Variants in FRAS1 observed in about 807,000 individuals in gnomAD.
The protein encoded by FRAS1 is Fraser extracellular matrix complex subunit 1, also known as extracellular matrix organizing protein FRAS1.
A neutral mutation model predicts 435.2 loss-of-function variants in FRAS1; 290 were observed. That is an observed-to-expected ratio of 0.67 (90% CI 0.61 to 0.73). FRAS1 has a LOEUF of 0.73. Ranked by LOEUF, FRAS1 falls within the 30% of genes least tolerant of loss-of-function variation. FRAS1 has a pLI of 0.00. For synonymous variants in FRAS1, 1,800 were observed against 1,851.0 expected, an observed-to-expected ratio of 0.97 and a Z score of 0.71; for missense variants, 4,860 against 5,001.5, an observed-to-expected ratio of 0.97 and a Z score of 0.85.
intron 4 of FRAS1, among the ~76,000 whole-genome samples, chr4:78,245,765 C>T (rs1297382216): frequency 6.6e-6 from 1 of 152,120 alleles, no homozygotes; most frequent in African/African-American, 2.4e-5. Context: ...TGGTCTAGAA[C>T]CCTGGTCTTC....
chr4:78,078,816 T>A (rs752746141), intron 2 of FRAS1, among the ~76,000 whole-genome samples: 1 of 152,172 alleles, frequency 6.6e-6, no homozygotes, highest in Non-Finnish European at 1.5e-5. Flanking sequence ...GAATTGTTGT[T>A]AATAACCAGG....
chr4:78,491,938 AAGGAACTTCAGCAAAGTTTC>A (rs1306404720), intron 59 of FRAS1, among the ~76,000 whole-genome samples: 1 of 152,244 alleles, frequency 6.6e-6, no homozygotes, highest in African/African-American at 2.4e-5. Flanking sequence ...TTAAGCTGAT[AAGGAACTTCAGCAAAGTTTC>A]AGGATACAAA....
At chr4:78,386,398 T>C (rs370069534) in intron 28 of FRAS1, among the ~76,000 whole-genome samples, 2 of 152,306 alleles carry the variant, frequency 1.3e-5, no homozygotes, top group African/African-American at 4.8e-5. Context: ...ATGTATAGAA[T>C]CACAGCTGTA....
chr4:78,059,473 CTT>C (rs1213660685), intron 1 of FRAS1, among the ~76,000 whole-genome samples: 1 of 149,050 alleles, frequency 6.7e-6, no homozygotes, highest in Non-Finnish European at 1.5e-5. Flanking sequence ...AGAAATATAA[CTT>C]TATTGTTTAT....
chr4:78,404,572 G>A (rs1733028800), intron 30 of FRAS1, among the ~76,000 whole-genome samples: 2 of 152,094 alleles, frequency 1.3e-5, no homozygotes, highest in Non-Finnish European at 2.9e-5. Flanking sequence ...TCCTCCTTCT[G>A]TATGATTGAT....
At chr4:78,059,251 G>A (rs916006948) in intron 1 of FRAS1, among the ~76,000 whole-genome samples, 1 of 152,114 alleles carries the variant, frequency 6.6e-6, no homozygotes, top group Non-Finnish European at 1.5e-5. Flanking sequence ...GCTCTGCCTC[G>A]GGTCGACCTC....
In FRAS1 at chr4:78,466,231, C is replaced by T. The variant is rs187011600; in HGVS notation, c.7053C>T (p.Ile2351=). 1.2e-4 allele frequency: 197 copies of T among 1,613,936 alleles called. No homozygotes were observed. In the African/African-American group the frequency reaches 2.1e-3, roughly 17 times the overall value. The change falls in exon 50 of 74, where the codon ATC becomes ATT. Residue 2351 remains isoleucine, a synonymous_variant. Transcript: ENST00000512123. ...DTEAESVTFT[I]VQPPRHGTIE... Reference sequence around the variant, plus strand: ...AGGCCGAGTCTGTCACATTCACCATCGTGCAGCCTCCACGCCATGGCACCA... The same window carrying T: ...AGGCCGAGTCTGTCACATTCACCATTGTGCAGCCTCCACGCCATGGCACCA...
intron 2 of FRAS1, among the ~76,000 whole-genome samples, chr4:78,187,122 G>C (rs1722309029): frequency 6.6e-6 from 1 of 152,202 alleles, no homozygotes; most frequent in South Asian, 2.1e-4. Flanking sequence ...CTAGAGTCCA[G>C]TTTCCTTTCC....
At chr4:78,268,381 G>T (rs1451128579) in intron 9 of FRAS1, among the ~76,000 whole-genome samples, 2 of 152,148 alleles carry the variant, frequency 1.3e-5, no homozygotes, top group Non-Finnish European at 2.9e-5. Context: ...ACATATTTAG[G>T]TAAAGAGGGT....
intron 14 of FRAS1, among the ~76,000 whole-genome samples, chr4:78,296,207 T>G (rs1451836703): frequency 6.6e-6 from 1 of 151,594 alleles, no homozygotes; most frequent in African/African-American, 2.4e-5. Flanking sequence ...CTGTTTGGTT[T>G]GCATATCTCC....
chr4:78,499,828 A>G lies in FRAS1; in HGVS notation c.9223A>G (p.Arg3075Gly). The change falls in exon 61 of 74, where the codon AGG becomes GGG. Residue 3075 changes from arginine (R) to glycine (G), a missense_variant. Arg to Gly is a moderately radical substitution (Grantham distance 125). Transcript: ENST00000512123. ...IKVIRRGDQNRTSKVRCSTRD... is the reference protein window; with the variant it reads ...IKVIRRGDQNGTSKVRCSTRD... ...GGTGATCCGCAGAGGGGATCAGAAC[A>G]GGACCTCCAAGGTTCGCTGCAGCAC... 1 of 1,613,792 alleles carries G rather than the reference A, an allele frequency of 6.2e-7. No homozygotes were observed. The highest frequency in any genetic ancestry group is 8.5e-7 in the Non-Finnish European group (1 of 1,179,716).
chr4:78,448,298 G>A lies in FRAS1; in HGVS notation c.6256G>A (p.Gly2086Ser), dbSNP rs1274077405. The A allele has an allele frequency of 6.2e-7, 1 of 1,609,900 alleles. No homozygotes were observed. The highest frequency in any genetic ancestry group is 8.5e-7 in the Non-Finnish European group (1 of 1,178,452). Reference protein sequence around the residue: ...SDTPHLAINQGLQLSAGSVAR... With the variant: ...SDTPHLAINQSLQLSAGSVAR... ...CACACCTCACTTGGCTATAAACCAA[G>A]GCCTACAGCTCTCAGCAGGTACCAC... Residue 2086 changes from glycine (G) to serine (S), a missense_variant, in exon 44 of 74, where the codon GGC (glycine) becomes AGC (serine). Gly to Ser is a moderately conservative substitution (Grantham distance 56). Transcript: ENST00000512123.
chr4:78,330,253 C>A (rs976056596), intron 18 of FRAS1, among the ~76,000 whole-genome samples: 3 of 152,172 alleles, frequency 2.0e-5, no homozygotes, highest in Non-Finnish European at 4.4e-5. Flanking sequence ...CCAATCAATA[C>A]CCTTGTGATT....
At chr4:78,367,742 G>A (rs1318019333) in intron 22 of FRAS1, among the ~76,000 whole-genome samples, 1 of 151,780 alleles carries the variant, frequency 6.6e-6, no homozygotes, top group African/African-American at 2.4e-5. Flanking sequence ...TTAGAGTTCT[G>A]CTTATTTCAC....
At chr4:78,495,091 T>C (rs918482451) in intron 59 of FRAS1, among the ~76,000 whole-genome samples, 1 of 152,206 alleles carries the variant, frequency 6.6e-6, no homozygotes, top group Non-Finnish European at 1.5e-5. Context: ...ATCTTTCATA[T>C]GCTTGCTAGC....
intron 41 of FRAS1, among the ~76,000 whole-genome samples, chr4:78,443,270 A>G (rs1372258951): frequency 6.6e-6 from 1 of 152,158 alleles, no homozygotes; most frequent in East Asian, 1.9e-4. Flanking sequence ...AGGCAGGAGG[A>G]TCAGTTGAGC....
At chr4:78,097,102 G>GT (rs1303016494) in intron 2 of FRAS1, among the ~76,000 whole-genome samples, 2 of 152,056 alleles carry the variant, frequency 1.3e-5, no homozygotes, top group African/African-American at 4.8e-5. Flanking sequence ...CAAGTTCAAG[G>GT]TTTCACAAAT....
chr4:78,140,704 C>CATATACATATGTGTATATGT (rs1560546097), intron 2 of FRAS1, among the ~76,000 whole-genome samples: 86 of 118,992 alleles, frequency 7.2e-4, no homozygotes, highest in East Asian at 1.1e-3. Context: ...TGTGTATATG[C>CATATACATATGTGTATATGT]ATATACGTGT....
intron 58 of FRAS1, among the ~76,000 whole-genome samples, chr4:78,487,992 G>A (rs1020963550): frequency 1.3e-5 from 2 of 152,162 alleles, no homozygotes; most frequent in Non-Finnish European, 2.9e-5. Context: ...TAAAAGAAGA[G>A]GCATCTAGCG....
Sources: allele counts gnomAD v4.1 joint callset (sites outside exome capture counted in the v4.1 genomes callset), GRCh38; gene constraint gnomAD v4.1.1; transcripts MANE v1.5; gene names NCBI Gene and HGNC (gene_info 2026-07-23, HGNC 2026-07-21).